Variants in PHTF2 observed in about 807,000 individuals in gnomAD.
PHTF2 encodes protein PHTF2.
Under a neutral mutation model 101.2 loss-of-function variants are expected in PHTF2, and 60 were observed. The observed-to-expected ratio is 0.59, with a 90% CI of 0.48 to 0.73. The LOEUF (loss-of-function observed/expected upper bound fraction) is 0.73. PHTF2 is among the 30% of genes least tolerant of loss of function. PHTF2 has a pLI of 0.00. For synonymous variants in PHTF2, 311 were observed against 307.3 expected (o/e 1.01, Z -0.13); for missense variants, 747 against 908.7 (o/e 0.82, Z 2.29).
chr7:77,874,306 ACTC>A (rs974548443), intron 3 of PHTF2, among the ~76,000 whole-genome samples: 1 of 151,982 alleles, frequency 6.6e-6, no homozygotes, highest in African/African-American at 2.4e-5. Context: ...CAACAAAAGA[ACTC>A]CATCCTTAAT....
chr7:77,889,433 A>C (rs1800162073), intron 3 of PHTF2, among the ~76,000 whole-genome samples: 1 of 152,188 alleles, frequency 6.6e-6, no homozygotes, highest in African/African-American at 2.4e-5. Context: ...TGTTAAAGGC[A>C]TACACGTTAT....
intron 6 of PHTF2, among the ~76,000 whole-genome samples, chr7:77,901,131 G>A (rs1377131032): frequency 6.6e-6 from 1 of 152,162 alleles, no homozygotes; most frequent in Non-Finnish European, 1.5e-5. Flanking sequence ...CTCAAGGACA[G>A]CCTCAAGCCA....
chr7:77,940,569 A>C (rs1805561096), exon 15 of PHTF2: 1 of 1,609,388 alleles, frequency 6.2e-7, no homozygotes. Context: ...TAACATCTGC[A>C]AGGAGGGCTC....
At chr7:77,850,234 CT>C in intron 2 of PHTF2, among the ~76,000 whole-genome samples, 1 of 150,822 alleles carries the variant, frequency 6.6e-6, no homozygotes, top group Non-Finnish European at 1.5e-5. Flanking sequence ...TGGCATGCCC[CT>C]TTATTTCTAG....
intron 1 of PHTF2, among the ~76,000 whole-genome samples, chr7:77,820,518 A>ATG (rs1275420622): frequency 2.6e-4 from 39 of 151,500 alleles, no homozygotes; most frequent in African/African-American, 5.6e-4. Context: ...TTCCCAGCTA[A>ATG]TGTGTGTGTG....
chr7:77,825,153 A>G (rs570126481), intron 1 of PHTF2, among the ~76,000 whole-genome samples: 11 of 152,332 alleles, frequency 7.2e-5, no homozygotes, highest in African/African-American at 2.6e-4. Context: ...GGTGGGTTGA[A>G]GAAAGAGGGC....
chr7:77,894,021 G>C (rs1483897312), intron 5 of PHTF2, 28 bp downstream of exon 4: 2 of 1,541,732 alleles, frequency 1.3e-6, no homozygotes, highest in Non-Finnish European at 9.0e-7. Flanking sequence ...TTTCCCGCCT[G>C]AGTGATCCTG....
chr7:77,890,361 T>A (rs1800279165), intron 3 of PHTF2, among the ~76,000 whole-genome samples: 1 of 152,168 alleles, frequency 6.6e-6, no homozygotes, highest in Admixed American at 6.6e-5. Flanking sequence ...TGATTTGGTC[T>A]ATCGAATAGG....
At chr7:77,844,392 T>G (rs780161906) in intron 2 of PHTF2, among the ~76,000 whole-genome samples, 6 of 152,240 alleles carry the variant, frequency 3.9e-5, no homozygotes, top group Non-Finnish European at 8.8e-5. Flanking sequence ...ACTTGATTTG[T>G]AGACTCTTTT....
At chr7:77,839,075 TG>T (rs1213310815) in intron 1 of PHTF2, among the ~76,000 whole-genome samples, 1 of 152,194 alleles carries the variant, frequency 6.6e-6, no homozygotes, top group Admixed American at 6.5e-5. Context: ...TCCGGTACTT[TG>T]TTTACTGAGG....
chr7:77,890,005 T>C (rs923499698), intron 3 of PHTF2, among the ~76,000 whole-genome samples: 4 of 142,132 alleles, frequency 2.8e-5, no homozygotes, highest in Non-Finnish European at 6.0e-5. Context: ...TTATCTAGTT[T>C]AAAAAAATTA....
chr7:77,901,962 C>G, intron 7 of PHTF2, 42 bp downstream of exon 6: 1 of 1,254,090 alleles, frequency 8.0e-7, no homozygotes, highest in Non-Finnish European at 1.1e-6. Context: ...CAGAATGTTA[C>G]ATTGTTAGGT....
intron 8 of PHTF2, chr7:77,909,234 A>G (rs755181331): frequency 2.0e-5 from 5 of 256,074 alleles, no homozygotes; most frequent in Non-Finnish European, 2.9e-5. Context: ...AATATATGTT[A>G]GCTAGATTGT....
rs1216964497 is a variant in PHTF2, at chr7:77,843,851, A to G, written c.45+3551A>G. ...CCCAGGTTAAGAAGTCCTGGATTAT[A>G]TGATTTTTAAAAGTTTTAATATTAT... On this transcript the variant is annotated intron_variant, in intron 2 of 19. Transcript: ENST00000416283. Among the ~76,000 whole-genome samples, 3 of 152,236 alleles carry G rather than the reference A, an allele frequency of 2.0e-5. No individual in the cohort carries two copies. The South Asian group carries it at 6.2e-4, about 31-fold the overall frequency.
chr7:77,941,327 A>G (rs1452521774), intron 15 of PHTF2, among the ~76,000 whole-genome samples: 1 of 152,162 alleles, frequency 6.6e-6, no homozygotes, highest in Non-Finnish European at 1.5e-5. Flanking sequence ...AACTTGTTAA[A>G]TTTAGCTTAC....
chr7:77,863,794 T>TG (rs1212223742), intron 3 of PHTF2, among the ~76,000 whole-genome samples: 1 of 151,384 alleles, frequency 6.6e-6, no homozygotes, highest in Non-Finnish European at 1.5e-5. Context: ...TTTGTTTTTT[T>TG]TTTTTTTTGG....
intron 12 of PHTF2, among the ~76,000 whole-genome samples, chr7:77,937,419 C>T (rs534338267): frequency 6.6e-6 from 1 of 152,156 alleles, no homozygotes; most frequent in Non-Finnish European, 1.5e-5. Flanking sequence ...AGAAAGTTCT[C>T]AACTTGTACA....
chr7:77,937,982 G>A (rs1584769420), intron 13 of PHTF2, 144 bp downstream of exon 12: 1 of 326,200 alleles, frequency 3.1e-6, no homozygotes, highest in Admixed American at 5.0e-5. Flanking sequence ...ATTTGTTTCT[G>A]TCTGTAATTT....
intron 9 of PHTF2, among the ~76,000 whole-genome samples, chr7:77,913,935 A>G (rs1802649792): frequency 6.6e-6 from 1 of 151,930 alleles, no homozygotes; most frequent in South Asian, 2.1e-4. Flanking sequence ...GCATAGTGGC[A>G]CGTGCCTGTA....
Sources: gnomAD v4.1 joint callset for allele counts (sites outside exome capture counted in the v4.1 genomes callset) on GRCh38, gnomAD v4.1.1 for gene constraint, MANE v1.5 for transcripts, NCBI Gene and HGNC (gene_info 2026-07-23, HGNC 2026-07-21) for gene names.